The following PRDM16 variants were observed in gnomAD, a reference collection of about 807,000 sequenced individuals.
PRDM16 encodes the protein histone-lysine N-methyltransferase PRDM16.
A neutral mutation model predicts 110.6 loss-of-function variants in PRDM16; 23 were observed. That is an observed-to-expected ratio of 0.21 (90% CI 0.15 to 0.29). PRDM16 has a LOEUF of 0.29. PRDM16 is among the 10% of genes least tolerant of loss of function. The pLI is 1.00. For synonymous variants in PRDM16, 799 were observed against 781.8 expected (o/e 1.02, Z -0.37); for missense variants, 1,615 against 1,794.3 (o/e 0.90, Z 1.81).
rs1638746506 is a variant in PRDM16 at position 3,206,058 on chromosome 1, A to T, written c.387+19584A>T. 1 of 152,254 alleles carries T rather than the reference A, an allele frequency of 6.6e-6. No individual in the cohort carries two copies. Among genetic ancestry groups the T allele is most frequent in the Admixed American group, 6.5e-5 (1 of 15,292 alleles). 9.4% of individuals were successfully genotyped at this position (152,254 alleles called of 1,614,324 possible). ...GCGAGACCGGGGCTAACAGCCCCCTACCTGCGTTCCCCATGACCGGTGCTC... is the reference window on the plus strand; with the variant it reads ...GCGAGACCGGGGCTAACAGCCCCCTTCCTGCGTTCCCCATGACCGGTGCTC... On this transcript the variant is annotated intron_variant, in intron 2 of 16. Coordinates refer to ENST00000270722, the MANE Select transcript of PRDM16 (RefSeq NM_022114.4). This position sits in a 1 kb window ranked among gnomAD's most constrained non-coding sequence, Gnocchi z 4.9.
At chr1:3,268,548 C>A (rs937426550) in intron 3 of PRDM16, among the ~76,000 whole-genome samples, 2 of 152,144 alleles carry the variant, frequency 1.3e-5, no homozygotes, top group African/African-American at 4.8e-5. Flanking sequence ...CAGGCCCTGG[C>A]AACTTGGGGC....
chr1:3,431,073 C>T lies in PRDM16; in HGVS notation c.3486C>T (p.Ala1162=), dbSNP rs1468649512. ...AYEDEEDEEP[A]ASLAVGFDHT... Reference sequence around the variant, plus strand: ...AGGATGAGGAGGATGAGGAGCCAGCCGCCTCCCTGGCCGTGGGCTTTGACC... The same window carrying T: ...AGGATGAGGAGGATGAGGAGCCAGCTGCCTCCCTGGCCGTGGGCTTTGACC... The change falls in exon 15 of 17, where the codon GCC becomes GCT. Residue 1162 remains alanine, a synonymous_variant. Coordinates refer to ENST00000270722, the MANE Select transcript of PRDM16 (RefSeq NM_022114.4). 5 of 1,552,962 alleles carry T rather than the reference C, an allele frequency of 3.2e-6. No homozygotes were observed. The Admixed American group carries it at 5.9e-5, about 18-fold the overall frequency.
At chr1:3,156,326 G>A (rs1354826993) in intron 1 of PRDM16, among the ~76,000 whole-genome samples, 2 of 152,100 alleles carry the variant, frequency 1.3e-5, no homozygotes. Context: ...AGGTGACTTT[G>A]GGGGAAATGA....
chr1:3,242,426 C>T (rs1639694700), intron 2 of PRDM16, among the ~76,000 whole-genome samples: 1 of 152,214 alleles, frequency 6.6e-6, no homozygotes, highest in Non-Finnish European at 1.5e-5. Context: ...CCAGCACCAC[C>T]ACTGGGACGG....
chr1:3,403,107 C>T (rs953689294), intron 6 of PRDM16, 109 bp downstream of exon 6: 18 of 982,366 alleles, frequency 1.8e-5, no homozygotes, highest in East Asian at 1.6e-4. Flanking sequence ...TCCCCCGCCT[C>T]GCCCCCCAAC....
intron 8 of PRDM16, among the ~76,000 whole-genome samples, chr1:3,410,697 C>T (rs971683580): frequency 1.4e-4 from 21 of 152,190 alleles, no homozygotes; most frequent in Non-Finnish European, 2.5e-4. Flanking sequence ...GAGCAGGAGG[C>T]ACAGTCTGCG....
rs11806140 is a variant in PRDM16 at position 3,230,799 on chromosome 1, C to T, written c.388-13288C>T. Among the ~76,000 whole-genome samples, 1,061 of 152,318 alleles carry T rather than the reference C, an allele frequency of 7.0e-3. 14 individuals are homozygous for T. Among genetic ancestry groups the T allele is most frequent in the African/African-American group, 0.025 (1,033 of 41,566 alleles). ...CTTCCCCACACCTGCCCGGTGCGAC[C>T]GCACTGCAGCCTCGGGCACCATGAG... On this transcript the variant is annotated intron_variant, in intron 2 of 16. Transcript: ENST00000270722.
chr1:3,330,495 C>T lies in PRDM16; in HGVS notation c.439-54657C>T, dbSNP rs115318861. ...GCGCCCATTCTCTTCTGCTCTTCTT[C>T]CCATCTGCCCCTCGCTCCCTAGGCA... On this transcript the variant is annotated intron_variant, in intron 3 of 16. Coordinates refer to ENST00000270722, the MANE Select transcript of PRDM16 (RefSeq NM_022114.4). Among the ~76,000 whole-genome samples the T allele has an allele frequency of 9.8e-3, 1,494 of 152,310 alleles. 14 individuals carry two copies. The highest frequency in any genetic ancestry group is 0.033 in the African/African-American group (1,383 of 41,566).
chr1:3,280,059 A>G (rs939482655), intron 3 of PRDM16, among the ~76,000 whole-genome samples: 2 of 152,158 alleles, frequency 1.3e-5, no homozygotes, highest in African/African-American at 2.4e-5. Flanking sequence ...TGAAAAAAAA[A>G]AAACATTTAA....
intron 1 of PRDM16, among the ~76,000 whole-genome samples, chr1:3,159,111 G>A (rs557727554): frequency 3.9e-5 from 6 of 152,188 alleles, no homozygotes; most frequent in African/African-American, 7.2e-5. Flanking sequence ...GCCCCTGATC[G>A]GTATTCCGCC....
intron 3 of PRDM16, among the ~76,000 whole-genome samples, chr1:3,324,089 TC>T (rs1641830324): frequency 6.6e-6 from 1 of 152,144 alleles, no homozygotes; most frequent in African/African-American, 2.4e-5. Flanking sequence ...TCCTGGACAC[TC>T]CTGCCAGCCA....
intron 1 of PRDM16, among the ~76,000 whole-genome samples, chr1:3,118,103 A>ATG (rs764459013): frequency 6.1e-5 from 9 of 147,674 alleles, no homozygotes; most frequent in Non-Finnish European, 9.0e-5. Flanking sequence ...GTGTACATGC[A>ATG]TGTGTGTGTG....
chr1:3,105,748 C>T (rs567050926), intron 1 of PRDM16, among the ~76,000 whole-genome samples: 7 of 152,352 alleles, frequency 4.6e-5, no homozygotes, highest in African/African-American at 1.4e-4. Context: ...ATTAGCGCTC[C>T]GCTGGCCTCG....
At chr1:3,121,153 C>T (rs114940260) in intron 1 of PRDM16, among the ~76,000 whole-genome samples, 1,560 of 152,260 alleles carry the variant, frequency 0.01, 22 homozygotes, top group African/African-American at 0.035. Context: ...TTGCCCGTCA[C>T]GGAGCCCGCA....
At chr1:3,335,734 G>A (rs933609088) in intron 3 of PRDM16, among the ~76,000 whole-genome samples, 3 of 152,026 alleles carry the variant, frequency 2.0e-5, no homozygotes, top group Non-Finnish European at 2.9e-5. Flanking sequence ...CTGGCATCCT[G>A]GTGGAAGGTG....
intron 2 of PRDM16, among the ~76,000 whole-genome samples, chr1:3,225,582 G>GCA (rs1452113478): frequency 2.7e-5 from 4 of 150,314 alleles, no homozygotes; most frequent in East Asian, 2.0e-4. Flanking sequence ...GTGCGCGCGC[G>GCA]CAGAAGGAAG....
At chr1:3,367,985 C>A (rs1642845003) in intron 3 of PRDM16, among the ~76,000 whole-genome samples, 1 of 152,220 alleles carries the variant, frequency 6.6e-6, no homozygotes, top group African/African-American at 2.4e-5. Context: ...AAGTCATCAT[C>A]TGCAGAGAGC....
intron 1 of PRDM16, among the ~76,000 whole-genome samples, chr1:3,095,671 G>T (rs558481310): frequency 2.2e-4 from 33 of 152,268 alleles, no homozygotes; most frequent in African/African-American, 7.7e-4. Context: ...ACCCCAAGAC[G>T]CAGCCTCACA....
rs149980519 is a variant in PRDM16 at position 3,405,132 on chromosome 1, C to T, written c.1032+246C>T. 1.2e-4 allele frequency among the ~76,000 whole-genome samples: 18 copies of T among 152,268 alleles called. No homozygotes were observed. In the East Asian group the frequency reaches 2.9e-3, roughly 25 times the overall value. ...CCAGAACCCAGGCCCCTCCAGAGCG[C>T]GGCTCCTGTCCTCCCGCCGGTGTGG... On this transcript the variant is annotated intron_variant, in intron 7 of 16. Coordinates refer to ENST00000270722, the MANE Select transcript of PRDM16 (RefSeq NM_022114.4).
Sources: allele counts gnomAD v4.1 joint callset (sites outside exome capture counted in the v4.1 genomes callset), GRCh38; gene constraint gnomAD v4.1.1; non-coding constraint Gnocchi (gnomAD v3.1); transcripts MANE v1.5; gene names NCBI Gene and HGNC (gene_info 2026-07-23, HGNC 2026-07-21).